The following GMDS variants were observed in gnomAD, a reference collection of about 807,000 sequenced individuals.
GMDS encodes GDP-mannose 4,6-dehydratase.
A neutral mutation model predicts 49.9 loss-of-function variants in GMDS; 20 were observed. The ratio of observed to expected loss-of-function variants is 0.40; its 90% CI spans 0.28 to 0.58. The LOEUF is 0.58. Among genes scored for constraint, GMDS ranks in the 20% least tolerant of loss-of-function variants. The probability of loss-of-function intolerance (pLI) is 0.42; values close to 1 mark genes in which losing one functional copy is unlikely to be tolerated. For missense variants in GMDS, 362 were observed against 481.4 expected (o/e 0.75, Z 2.32); for synonymous variants, 177 against 178.6 (o/e 0.99, Z 0.07).
chr6:2,008,618 T>C (rs1267162943), intron 4 of GMDS, among the ~76,000 whole-genome samples: 1 of 152,230 alleles, frequency 6.6e-6, no homozygotes, highest in Non-Finnish European at 1.5e-5. Flanking sequence ...AGCATTCTTG[T>C]AGATAACAGA....
intron 9 of GMDS, among the ~76,000 whole-genome samples, chr6:1,674,560 C>CTCTTTT: frequency 1.4e-5 from 1 of 73,458 alleles, no homozygotes; most frequent in Non-Finnish European, 2.3e-5. Context: ...CTCTCTCTCT[C>CTCTTTT]TTTTTTTTTT....
chr6:1,778,088 CTTTGT>C lies in GMDS; in HGVS notation c.772-35507_772-35503del, dbSNP rs896696166. On this transcript the variant is annotated intron_variant, in intron 7 of 10. Coordinates refer to ENST00000380815, the MANE Select transcript of GMDS (RefSeq NM_001500.4). The surrounding 1 kb of genome is among the most constrained non-coding windows in gnomAD (Gnocchi z 4.6). ...TAAAAAAAGAAGCTGAAAAATGGAA[CTTTGT>C]TTTATTTTGATAGAGTGCCAAAACA... Among the ~76,000 whole-genome samples, 1 of 152,156 alleles carries C rather than the reference CTTTGT, an allele frequency of 6.6e-6. No individual in the cohort carries two copies. Among genetic ancestry groups the C allele is most frequent in the Non-Finnish European group, 1.5e-5 (1 of 68,042 alleles).
rs181598255 is a variant in GMDS at position 1,972,291 on chromosome 6, T to C, written c.346-11325A>G. Among the ~76,000 whole-genome samples, 372 of 149,300 alleles carry C rather than the reference T, an allele frequency of 2.5e-3. 3 individuals are homozygous for C. The highest frequency in any genetic ancestry group is 4.6e-3 in the Non-Finnish European group (308 of 67,390). On this transcript the variant is annotated intron_variant, in intron 4 of 10. Transcript: ENST00000380815. ...TTTTTTTTTTTTTAGAAAATCTTAA[T>C]TTAAAAATACTTTGTGACCCCAATT...
intron 9 of GMDS, among the ~76,000 whole-genome samples, chr6:1,675,600 C>A (rs930324894): frequency 2.0e-5 from 3 of 152,082 alleles, no homozygotes; most frequent in African/African-American, 7.2e-5. Flanking sequence ...TGCCTGTAAT[C>A]CCAGCACTTT....
intron 4 of GMDS, among the ~76,000 whole-genome samples, chr6:2,106,270 C>G (rs1339761538): frequency 6.6e-6 from 1 of 152,130 alleles, no homozygotes; most frequent in Non-Finnish European, 1.5e-5. Flanking sequence ...TACAAAGTAG[C>G]AGAAAAAATT....
chr6:1,758,597 T>C (rs1055563235), intron 7 of GMDS, among the ~76,000 whole-genome samples: 1 of 152,222 alleles, frequency 6.6e-6, no homozygotes, highest in African/African-American at 2.4e-5. Flanking sequence ...CGCAGGCTGC[T>C]GGCCCCCTTG....
At chr6:2,008,782 T>G (rs575098669) in intron 4 of GMDS, among the ~76,000 whole-genome samples, 1 of 152,200 alleles carries the variant, frequency 6.6e-6, no homozygotes, top group Admixed American at 6.5e-5. Flanking sequence ...TGGAAGTTCC[T>G]TTGCTCCCAA....
chr6:1,927,830 T>C (rs979871540), intron 7 of GMDS, among the ~76,000 whole-genome samples: 14 of 152,202 alleles, frequency 9.2e-5, no homozygotes, highest in Admixed American at 9.2e-4. Context: ...TGTCACCTCC[T>C]ACCCCGGCCA....
At chr6:1,777,385 A>T (rs1768880363) in intron 7 of GMDS, among the ~76,000 whole-genome samples, 2 of 152,258 alleles carry the variant, frequency 1.3e-5, no homozygotes, top group South Asian at 4.1e-4. Flanking sequence ...TCTAGAAAGA[A>T]AACTAATCTG....
intron 7 of GMDS, among the ~76,000 whole-genome samples, chr6:1,744,125 A>T (rs4959606): frequency 0.98 from 149,241 of 152,312 alleles, 73,131 homozygotes; most frequent in East Asian, 1. Flanking sequence ...TTTGTAGAAA[A>T]CTTCTAAAAA....
chr6:2,113,115 A>C (rs544319864), intron 4 of GMDS, among the ~76,000 whole-genome samples: 1 of 152,224 alleles, frequency 6.6e-6, no homozygotes, highest in African/African-American at 2.4e-5. Flanking sequence ...CCAAAAGGGA[A>C]CTTATTTCTC....
At chr6:1,740,232 A>AT (rs1767214088) in intron 8 of GMDS, among the ~76,000 whole-genome samples, 3 of 152,252 alleles carry the variant, frequency 2.0e-5, no homozygotes, top group African/African-American at 7.2e-5. Flanking sequence ...AGAGTGGCAG[A>AT]TATTAATTTC....
chr6:2,001,950 C>A (rs1186254451), intron 4 of GMDS, among the ~76,000 whole-genome samples: 1 of 152,116 alleles, frequency 6.6e-6, no homozygotes, highest in Non-Finnish European at 1.5e-5. Context: ...TCACTATTTG[C>A]CACCAATTCC....
chr6:1,988,478 G>GA (rs1765703006), intron 4 of GMDS, among the ~76,000 whole-genome samples: 2 of 152,202 alleles, frequency 1.3e-5, no homozygotes, highest in South Asian at 2.1e-4. Flanking sequence ...GGGGCGAGGG[G>GA]GGCTCCAAAC....
intron 7 of GMDS, among the ~76,000 whole-genome samples, chr6:1,775,396 T>C (rs1768756401): frequency 6.6e-6 from 1 of 152,190 alleles, no homozygotes; most frequent in South Asian, 2.1e-4. Flanking sequence ...GCCTTTTCCT[T>C]TTACTCTGTT....
chr6:2,241,645 T>C (rs1284060336), intron 1 of GMDS, among the ~76,000 whole-genome samples: 1 of 152,122 alleles, frequency 6.6e-6, no homozygotes, highest in Non-Finnish European at 1.5e-5. Context: ...AAAAAGAGCC[T>C]GGCACCCCAC....
At chr6:2,072,050 C>T (rs183350904) in intron 4 of GMDS, among the ~76,000 whole-genome samples, 197 of 152,202 alleles carry the variant, frequency 1.3e-3, no homozygotes, top group African/African-American at 4.5e-3. Context: ...GGGTTCTTGC[C>T]AGGCAGGGGC....
At chr6:2,119,611 C>T (rs562552882) in intron 2 of GMDS, among the ~76,000 whole-genome samples, 3 of 152,116 alleles carry the variant, frequency 2.0e-5, no homozygotes, top group South Asian at 2.1e-4. Flanking sequence ...TTGAGATTAG[C>T]GGCTTTCTCT....
chr6:1,832,372 G>T (rs146706158), intron 7 of GMDS, among the ~76,000 whole-genome samples: 3 of 151,618 alleles, frequency 2.0e-5, no homozygotes, highest in African/African-American at 7.2e-5. Context: ...TAGCCTGGGG[G>T]ACGGAGTGAG....
Sources: allele counts gnomAD v4.1 joint callset (sites outside exome capture counted in the v4.1 genomes callset), GRCh38; gene constraint gnomAD v4.1.1; non-coding constraint Gnocchi (gnomAD v3.1); transcripts MANE v1.5; gene names NCBI Gene and HGNC (gene_info 2026-07-23, HGNC 2026-07-21).